Variants in CAMK4 observed in about 807,000 individuals in gnomAD.
The protein encoded by CAMK4 is calcium/calmodulin-dependent protein kinase type IV.
CAMK4 carries 22 observed loss-of-function variants against 44.9 expected under a neutral mutation model. That is an observed-to-expected ratio of 0.49 (90% CI 0.35 to 0.70). CAMK4 has a LOEUF of 0.70. Among genes scored for constraint, CAMK4 ranks in the 30% least tolerant of loss-of-function variants. CAMK4 has a pLI of 0.01. For missense variants in CAMK4, 498 were observed against 586.8 expected, an observed-to-expected ratio of 0.85 and a Z score of 1.56; for synonymous variants, 218 against 215.4, an observed-to-expected ratio of 1.01 and a Z score of -0.11.
At chr5:111,385,111 C>A (rs560362266) in intron 4 of CAMK4, among the ~76,000 whole-genome samples, 1 of 151,952 alleles carries the variant, frequency 6.6e-6, no homozygotes, top group Admixed American at 6.5e-5. Flanking sequence ...TACAATATCA[C>A]AAATTTTTTT....
At chr5:111,323,866 T>C (rs763086631) in intron 1 of CAMK4, among the ~76,000 whole-genome samples, 1 of 152,190 alleles carries the variant, frequency 6.6e-6, no homozygotes, top group Non-Finnish European at 1.5e-5. Context: ...GACACATTTT[T>C]ATTCTGCCCT....
At position 111,488,608 on chromosome 5, in the gene CAMK4, AG is replaced by A. The variant is rs1755713252; in HGVS notation, c.*4143del. 2 of 152,240 alleles carry A rather than the reference AG, an allele frequency of 1.3e-5. No homozygotes were observed. Among genetic ancestry groups the A allele is most frequent in the Admixed American group, 1.3e-4 (2 of 15,274 alleles). 9.4% of individuals were successfully genotyped at this position (152,240 alleles called of 1,614,324 possible). ...AGAGAGCCATTTTGTTTCATAAATC[AG>A]TTTTTATTGCACAGAAGCAGCTGGT... On this transcript the variant is annotated 3_prime_UTR_variant, in exon 11 of 11. Transcript: ENST00000282356.
At chr5:111,270,930 C>T (rs757676523) in intron 1 of CAMK4, among the ~76,000 whole-genome samples, 3 of 152,126 alleles carry the variant, frequency 2.0e-5, no homozygotes, top group Non-Finnish European at 2.9e-5. Flanking sequence ...GGGAAGCCTC[C>T]GGAAACTTAC....
chr5:111,286,164 G>A (rs75577085), intron 1 of CAMK4, among the ~76,000 whole-genome samples: 1 of 152,114 alleles, frequency 6.6e-6, no homozygotes, highest in Non-Finnish European at 1.5e-5. Context: ...AAGGGTTAAG[G>A]TTTCTAGGTT....
rs560013159 is a variant in CAMK4 at position 111,324,993 on chromosome 5, C to G, written c.162-19031C>G. ...ATTAGGTATTTTCCTAATGCGCTCCCTCCCCTTCCCCCAACCCCCCAACAG... is the reference window on the plus strand; with the variant it reads ...ATTAGGTATTTTCCTAATGCGCTCCGTCCCCTTCCCCCAACCCCCCAACAG... On this transcript the variant is annotated intron_variant, in intron 1 of 10. Coordinates refer to ENST00000282356, the MANE Select transcript of CAMK4 (RefSeq NM_001744.6). Among the ~76,000 whole-genome samples the G allele has an allele frequency of 2.0e-5, 3 of 152,020 alleles. 1 individual carries two copies. In the South Asian group the frequency reaches 6.2e-4, roughly 32 times the overall value.
intron 1 of CAMK4, among the ~76,000 whole-genome samples, chr5:111,279,856 C>A (rs1277947060): frequency 6.6e-6 from 1 of 152,122 alleles, no homozygotes; most frequent in African/African-American, 2.4e-5. Context: ...CTTAGTTAGG[C>A]AATCCACAAA....
intron 1 of CAMK4, among the ~76,000 whole-genome samples, chr5:111,246,038 T>C (rs556845642): frequency 6.6e-6 from 1 of 152,366 alleles, no homozygotes; most frequent in Non-Finnish European, 1.5e-5. Flanking sequence ...TTCCTGTGAC[T>C]AGGTTTTGGG....
chr5:111,406,194 T>TTTTCTCTC (rs1554068653), intron 5 of CAMK4, among the ~76,000 whole-genome samples: 1 of 136,744 alleles, frequency 7.3e-6, no homozygotes, highest in Non-Finnish European at 1.5e-5. Context: ...CTAATTTATT[T>TTTTCTCTC]TCTCTCTCTC....
intron 1 of CAMK4, among the ~76,000 whole-genome samples, chr5:111,226,139 G>C (rs1447539962): frequency 6.6e-6 from 1 of 152,184 alleles, no homozygotes; most frequent in Admixed American, 6.5e-5. Context: ...GACTGTCCCA[G>C]TAGCACATCT....
rs370749422 is a variant in CAMK4 at position 111,400,534 on chromosome 5, G to A, written c.459+5752G>A. Among the ~76,000 whole-genome samples, 12 of 152,056 alleles carry A rather than the reference G, an allele frequency of 7.9e-5. No individual in the cohort carries two copies. In the South Asian group the frequency reaches 1.2e-3, roughly 16 times the overall value. On this transcript the variant is annotated intron_variant, in intron 5 of 10. Transcript: ENST00000282356. Reference sequence around the variant, plus strand: ...ATGAAAGTATAATTATACTCCTTACGTAACATATCTTGCAATCCCTCCCTC... The same window carrying A: ...ATGAAAGTATAATTATACTCCTTACATAACATATCTTGCAATCCCTCCCTC...
intron 5 of CAMK4, among the ~76,000 whole-genome samples, chr5:111,429,403 A>G (rs1753349300): frequency 6.6e-6 from 1 of 152,190 alleles, no homozygotes; most frequent in Non-Finnish European, 1.5e-5. Flanking sequence ...AAGTTCCTAG[A>G]TACATGCAAC....
intron 5 of CAMK4, among the ~76,000 whole-genome samples, chr5:111,397,198 G>C (rs1032756022): frequency 6.6e-6 from 1 of 152,208 alleles, no homozygotes; most frequent in Admixed American, 6.5e-5. Flanking sequence ...AGCTAGGTTT[G>C]GTTTTTAGAT....
chr5:111,482,995 T>C lies in CAMK4; in HGVS notation c.981+58T>C. The C allele has an allele frequency of 7.1e-7, 1 of 1,411,438 alleles. No homozygotes were observed. Among genetic ancestry groups the C allele is most frequent in the Non-Finnish European group, 9.6e-7 (1 of 1,038,868 alleles). 87.4% of individuals were successfully genotyped at this position (1,411,438 alleles called of 1,614,324 possible). ...TTGTTTTCAAAAAATTTATCTCATC[T>C]TGATCTATCAATAATAGTTCTACCG... On this transcript the variant is annotated intron_variant, in intron 10 of 10. Transcript: ENST00000282356. This position sits in a 1 kb window ranked among gnomAD's most constrained non-coding sequence, Gnocchi z 4.9.
intron 1 of CAMK4, among the ~76,000 whole-genome samples, chr5:111,299,632 G>T (rs1747637694): frequency 6.6e-6 from 1 of 152,150 alleles, no homozygotes; most frequent in African/African-American, 2.4e-5. Flanking sequence ...TATTTAGTAT[G>T]TTTTAGAAAT....
chr5:111,361,577 T>C (rs1322025653), intron 2 of CAMK4, among the ~76,000 whole-genome samples: 1 of 152,070 alleles, frequency 6.6e-6, no homozygotes, highest in Non-Finnish European at 1.5e-5. Context: ...CGGAGTATAT[T>C]ACACCTCTGT....
intron 1 of CAMK4, among the ~76,000 whole-genome samples, chr5:111,260,806 C>T (rs1180210194): frequency 2.6e-5 from 4 of 152,246 alleles, no homozygotes; most frequent in East Asian, 3.9e-4. Context: ...TCATTGAAAC[C>T]GTCAACCTTT....
intron 5 of CAMK4, among the ~76,000 whole-genome samples, chr5:111,419,369 A>G (rs1752936457): frequency 6.6e-6 from 1 of 152,120 alleles, no homozygotes; most frequent in Non-Finnish European, 1.5e-5. Context: ...GTAGGTTGTG[A>G]AAATTTTCTC....
intron 1 of CAMK4, among the ~76,000 whole-genome samples, chr5:111,341,457 A>C (rs1231414236): frequency 6.6e-6 from 1 of 151,054 alleles, no homozygotes; most frequent in Non-Finnish European, 1.5e-5. Flanking sequence ...GTTTTAGAAA[A>C]ACTTTTTTTT....
chr5:111,327,089 T>C (rs1474505063), intron 1 of CAMK4, among the ~76,000 whole-genome samples: 1 of 151,914 alleles, frequency 6.6e-6, no homozygotes, highest in East Asian at 1.9e-4. Flanking sequence ...ACATGTGCCA[T>C]GCTGGTGTGC....
Sources: gnomAD v4.1 joint callset for allele counts (sites outside exome capture counted in the v4.1 genomes callset) on GRCh38, gnomAD v4.1.1 for gene constraint, Gnocchi (gnomAD v3.1) non-coding constraint, MANE v1.5 for transcripts, NCBI Gene and HGNC (gene_info 2026-07-23, HGNC 2026-07-21) for gene names.